The following PDE4D variants were observed in gnomAD, a reference collection of about 807,000 sequenced individuals.
PDE4D encodes the protein phosphodiesterase 4D, also known as 3',5'-cyclic-AMP phosphodiesterase 4D.
In PDE4D, 24 loss-of-function variants were observed where a neutral mutation model predicts 87.4. The ratio of observed to expected loss-of-function variants is 0.27; its 90% CI spans 0.20 to 0.39. PDE4D has a LOEUF of 0.39. PDE4D is among the 10% of genes least tolerant of loss of function. The pLI is 1.00. For missense variants in PDE4D, 714 were observed against 1,041.0 expected, an observed-to-expected ratio of 0.69 and a Z score of 4.32; for synonymous variants, 384 against 383.2, an observed-to-expected ratio of 1.00 and a Z score of -0.02.
intron 1 of PDE4D, among the ~76,000 whole-genome samples, chr5:59,869,454 A>G (rs1747502310): frequency 6.6e-6 from 1 of 152,166 alleles, no homozygotes; most frequent in Non-Finnish European, 1.5e-5. Context: ...ATGATACAAG[A>G]TGTGCTGTCA....
At chr5:60,418,249 CTG>C (rs762951194) in intron 1 of PDE4D, among the ~76,000 whole-genome samples, 6 of 152,146 alleles carry the variant, frequency 3.9e-5, no homozygotes, top group Non-Finnish European at 7.3e-5. Flanking sequence ...TAAAGTTAGA[CTG>C]TGCATTTGAA....
chr5:59,036,820 T>C (rs2153390865), intron 6 of PDE4D, among the ~76,000 whole-genome samples: 1 of 152,340 alleles, frequency 6.6e-6, no homozygotes, highest in South Asian at 2.1e-4. Context: ...AATTCAGCTC[T>C]GTCGTGGGCT....
At chr5:60,052,649 C>G (rs1770314271) in intron 2 of PDE4D, among the ~76,000 whole-genome samples, 1 of 152,230 alleles carries the variant, frequency 6.6e-6, no homozygotes, top group South Asian at 2.1e-4. Context: ...TGTCCTCTCT[C>G]ACCACTCCTA....
chr5:60,288,126 T>C (rs1446411831), intron 1 of PDE4D, among the ~76,000 whole-genome samples: 1 of 152,242 alleles, frequency 6.6e-6, no homozygotes, highest in Non-Finnish European at 1.5e-5. Context: ...TGTGCAAGGA[T>C]TATCATCACC....
intron 2 of PDE4D, among the ~76,000 whole-genome samples, chr5:60,045,860 C>T (rs1210425291): frequency 6.6e-6 from 1 of 152,072 alleles, no homozygotes; most frequent in East Asian, 1.9e-4. Context: ...TTTTATGGTT[C>T]CATATGAGCT....
At chr5:59,930,281 A>G (rs1035888752) in intron 3 of PDE4D, among the ~76,000 whole-genome samples, 6 of 152,142 alleles carry the variant, frequency 3.9e-5, no homozygotes, top group African/African-American at 1.4e-4. Context: ...AAGGATCTCA[A>G]GGTGAAATCA....
intron 1 of PDE4D, among the ~76,000 whole-genome samples, chr5:59,250,397 G>C (rs35308): frequency 0.21 from 31,736 of 150,460 alleles, 3,662 homozygotes; most frequent in Non-Finnish European, 0.26. Context: ...TGAGGTTGAG[G>C]TGGGAGTATC....
At chr5:59,981,004 C>A (rs1437489177) in intron 3 of PDE4D, among the ~76,000 whole-genome samples, 2 of 152,164 alleles carry the variant, frequency 1.3e-5, no homozygotes, top group African/African-American at 4.8e-5. Context: ...GTAGTCCCAG[C>A]ACTTTGGGAG....
chr5:60,179,303 T>C (rs1395339494), intron 2 of PDE4D, among the ~76,000 whole-genome samples: 2 of 152,056 alleles, frequency 1.3e-5, no homozygotes, highest in Non-Finnish European at 2.9e-5. Context: ...TTAGGGAAAC[T>C]TGTGAACTGA....
rs1784120710 is a variant in PDE4D at position 59,177,729 on chromosome 5, CT to C, written c.808+2865del. Reference sequence around the variant, plus strand: ...ACTTGGAGCTGTGTGCTCTAGCAGCCTTTTGGATCAGCCATGAACTTAACTG... The same window carrying C: ...ACTTGGAGCTGTGTGCTCTAGCAGCCTTTGGATCAGCCATGAACTTAACTG... On this transcript the variant is annotated intron_variant, in intron 5 of 14. Coordinates refer to ENST00000340635, the MANE Select transcript of PDE4D (RefSeq NM_001104631.2). 2.0e-5 allele frequency among the ~76,000 whole-genome samples: 3 copies of C among 152,168 alleles called. No homozygotes were observed. In the South Asian group the frequency reaches 6.2e-4, roughly 32 times the overall value.
At chr5:60,394,454 T>C (rs898520764) in intron 1 of PDE4D, among the ~76,000 whole-genome samples, 2 of 152,252 alleles carry the variant, frequency 1.3e-5, no homozygotes, top group Admixed American at 6.5e-5. Context: ...TGAAGAACTT[T>C]GAACTCGAGG....
chr5:59,413,883 T>C (rs1416246469), intron 1 of PDE4D, among the ~76,000 whole-genome samples: 2 of 152,194 alleles, frequency 1.3e-5, no homozygotes, highest in African/African-American at 4.8e-5. Context: ...TGAAAGTGCC[T>C]CTCTCCCTTG....
At chr5:60,230,934 G>A (rs148148994) in intron 1 of PDE4D, among the ~76,000 whole-genome samples, 1,709 of 152,142 alleles carry the variant, frequency 0.011, 23 homozygotes, top group Middle Eastern at 0.024. Context: ...CAGGGGTTAA[G>A]GTTTGCTTTC....
chr5:59,880,888 T>C (rs2152745672), intron 1 of PDE4D, among the ~76,000 whole-genome samples: 1 of 152,352 alleles, frequency 6.6e-6, no homozygotes, highest in South Asian at 2.1e-4. Flanking sequence ...CTGTTATTAC[T>C]GGTTTTTTAT....
intron 1 of PDE4D, among the ~76,000 whole-genome samples, chr5:59,255,306 A>G (rs1187849036): frequency 6.6e-6 from 1 of 152,156 alleles, no homozygotes; most frequent in Non-Finnish European, 1.5e-5. Flanking sequence ...AGCAAGTCAC[A>G]AAAGACCTCA....
At chr5:60,414,275 A>T (rs140477620) in intron 1 of PDE4D, among the ~76,000 whole-genome samples, 227 of 152,292 alleles carry the variant, frequency 1.5e-3, no homozygotes, top group African/African-American at 5.1e-3. Flanking sequence ...TTATGTGTTA[A>T]TCTGCCTCCC....
At chr5:59,402,839 C>A (rs1012825069) in intron 1 of PDE4D, among the ~76,000 whole-genome samples, 1 of 152,030 alleles carries the variant, frequency 6.6e-6, no homozygotes. Context: ...AGATTTCACA[C>A]TCTTTCACCA....
Position 59,864,641 on chromosome 5 carries a change from C to T in PDE4D, c.455+28527G>A, listed in dbSNP as rs557951857. Reference sequence around the variant, plus strand: ...GCCTATGAATAGTTAGGGAAGATTGCCCTCTGAGTTTGAATGTGTTATTTT... The same window carrying T: ...GCCTATGAATAGTTAGGGAAGATTGTCCTCTGAGTTTGAATGTGTTATTTT... On this transcript the variant is annotated intron_variant, in intron 1 of 14. Transcript: ENST00000340635. Among the ~76,000 whole-genome samples, 7 of 152,262 alleles carry T rather than the reference C, an allele frequency of 4.6e-5. No homozygotes were observed. In the South Asian group the frequency reaches 8.3e-4, roughly 18 times the overall value.
At chr5:59,076,426 C>T (rs745446893) in intron 5 of PDE4D, among the ~76,000 whole-genome samples, 23 of 152,174 alleles carry the variant, frequency 1.5e-4, no homozygotes, top group East Asian at 7.7e-4. Context: ...TATTATACTA[C>T]GTGAAGTCTT....
Sources: allele counts gnomAD v4.1 joint callset (sites outside exome capture counted in the v4.1 genomes callset), GRCh38; gene constraint gnomAD v4.1.1; transcripts MANE v1.5; gene names NCBI Gene and HGNC (gene_info 2026-07-23, HGNC 2026-07-21).